The following THSD7B variants were observed in gnomAD, a reference collection of about 807,000 sequenced individuals.
The protein encoded by THSD7B is thrombospondin type-1 domain-containing protein 7B.
THSD7B carries 138 observed loss-of-function variants against 213.6 expected under a neutral mutation model. The ratio of observed to expected loss-of-function variants is 0.65; its 90% CI spans 0.56 to 0.74. THSD7B has a LOEUF of 0.74. Ranked by LOEUF, THSD7B falls within the 30% of genes least tolerant of loss-of-function variation. The probability of loss-of-function intolerance (pLI) is 0.00; values close to 1 mark genes in which losing one functional copy is unlikely to be tolerated. For missense variants in THSD7B, 1,931 were observed against 1,991.5 expected (o/e 0.97, Z 0.58); for synonymous variants, 742 against 687.0 (o/e 1.08, Z -1.25).
chr2:137,277,254 T>A (rs1558739694), intron 12 of THSD7B, among the ~76,000 whole-genome samples: 2 of 152,028 alleles, frequency 1.3e-5, no homozygotes, highest in Non-Finnish European at 2.9e-5. Context: ...TGTAAAATTA[T>A]CACATAAAAG....
At chr2:136,821,853 C>T (rs1263068417) in intron 1 of THSD7B, among the ~76,000 whole-genome samples, 1 of 152,188 alleles carries the variant, frequency 6.6e-6, no homozygotes, top group Non-Finnish European at 1.5e-5. Context: ...AACTGTGGAT[C>T]TCCTTGCTCT....
At chr2:137,480,417 C>G (rs550940456) in intron 15 of THSD7B, among the ~76,000 whole-genome samples, 3 of 152,266 alleles carry the variant, frequency 2.0e-5, no homozygotes, top group African/African-American at 7.2e-5. Flanking sequence ...TTGAAAAACT[C>G]ATTTTGATTT....
At chr2:136,998,260 C>CA (rs1685930157) in intron 2 of THSD7B, among the ~76,000 whole-genome samples, 2 of 57,288 alleles carry the variant, frequency 3.5e-5, no homozygotes, top group Non-Finnish European at 6.2e-5. Flanking sequence ...GACTAAAAGG[C>CA]CAAAAAAAAA....
At chr2:137,266,986 C>A (rs1038370026) in intron 10 of THSD7B, among the ~76,000 whole-genome samples, 1 of 152,200 alleles carries the variant, frequency 6.6e-6, no homozygotes, top group Admixed American at 6.5e-5. Flanking sequence ...TACCTACCTG[C>A]AAATCACCCA....
chr2:137,188,915 AG>A (rs2105012691), intron 7 of THSD7B, among the ~76,000 whole-genome samples: 1 of 152,340 alleles, frequency 6.6e-6, no homozygotes, highest in Non-Finnish European at 1.5e-5. Flanking sequence ...AGTTTTACAT[AG>A]AGTGGTCATT....
At chr2:136,768,177 C>A (rs1023159922) in intron 1 of THSD7B, among the ~76,000 whole-genome samples, 1 of 152,104 alleles carries the variant, frequency 6.6e-6, no homozygotes, top group African/African-American at 2.4e-5. Context: ...TATGAAGGAC[C>A]TTGTCTGCTT....
At position 137,553,269 on chromosome 2, in the gene THSD7B, A is replaced by T. The variant is rs568214120; in HGVS notation, c.3139-9952A>T. 3.4e-4 allele frequency among the ~76,000 whole-genome samples: 52 copies of T among 152,292 alleles called. 1 individual carries two copies. In the South Asian group the frequency reaches 0.011, roughly 31 times the overall value. ...TAGAGCAAGGTTTATTGCTACAGAAAGGCAGAAGCTGTAAATTTTCTATTT... is the reference window on the plus strand; with the variant it reads ...TAGAGCAAGGTTTATTGCTACAGAATGGCAGAAGCTGTAAATTTTCTATTT... On this transcript the variant is annotated intron_variant, in intron 15 of 27. Transcript: ENST00000409968.
At chr2:137,362,806 T>A (rs949649252) in intron 12 of THSD7B, among the ~76,000 whole-genome samples, 2 of 152,192 alleles carry the variant, frequency 1.3e-5, no homozygotes, top group South Asian at 4.1e-4. Context: ...AACACCCCAC[T>A]GTCAATAGTA....
At chr2:137,026,857 G>A (rs182237316) in intron 2 of THSD7B, among the ~76,000 whole-genome samples, 4 of 151,960 alleles carry the variant, frequency 2.6e-5, no homozygotes, top group Admixed American at 6.6e-5. Context: ...TTTTTATCTC[G>A]GCAGTTTCCT....
Position 136,930,754 on chromosome 2 carries a change from A to G in THSD7B, c.139+48437A>G, listed in dbSNP as rs556337754. Among the ~76,000 whole-genome samples the G allele has an allele frequency of 3.3e-5, 5 of 152,310 alleles. No homozygotes were observed. In the South Asian group the frequency reaches 6.2e-4, roughly 19 times the overall value. Reference sequence around the variant, plus strand: ...TGTCTGCTCAGAGAGAAAAAATACCACAGATATTTTAAAGAATCGGCCTGA... The same window carrying G: ...TGTCTGCTCAGAGAGAAAAAATACCGCAGATATTTTAAAGAATCGGCCTGA... On this transcript the variant is annotated intron_variant, in intron 2 of 27. Coordinates refer to ENST00000409968, the MANE Select transcript of THSD7B (RefSeq NM_001316349.2).
At chr2:137,596,777 C>A (rs893374414) in intron 17 of THSD7B, among the ~76,000 whole-genome samples, 5 of 151,176 alleles carry the variant, frequency 3.3e-5, no homozygotes, top group African/African-American at 1.2e-4. Context: ...ATTGTTAATA[C>A]CATGTGGCTA....
chr2:137,281,174 A>G (rs1405335976), intron 12 of THSD7B, among the ~76,000 whole-genome samples: 2 of 152,058 alleles, frequency 1.3e-5, no homozygotes, highest in African/African-American at 4.8e-5. Flanking sequence ...AACTCTGTCA[A>G]ATCTTTTTGT....
At chr2:137,358,274 G>T (rs1331613517) in intron 12 of THSD7B, among the ~76,000 whole-genome samples, 1 of 152,106 alleles carries the variant, frequency 6.6e-6, no homozygotes, top group Non-Finnish European at 1.5e-5. Context: ...GCTAGCCAAG[G>T]TTCTAATGAG....
At chr2:137,295,271 C>A (rs188849016) in intron 12 of THSD7B, among the ~76,000 whole-genome samples, 41 of 152,234 alleles carry the variant, frequency 2.7e-4, no homozygotes, top group African/African-American at 9.4e-4. Flanking sequence ...TTTAGTTTTC[C>A]ACTTTACCTA....
intron 15 of THSD7B, among the ~76,000 whole-genome samples, chr2:137,485,296 T>G (rs1688408057): frequency 6.7e-6 from 1 of 149,150 alleles, no homozygotes; most frequent in East Asian, 2.0e-4. Flanking sequence ...CCCCATTGCT[T>G]GTTTTTCTCA....
intron 5 of THSD7B, among the ~76,000 whole-genome samples, chr2:137,115,981 C>A (rs1352115144): frequency 6.6e-6 from 1 of 152,126 alleles, no homozygotes; most frequent in Non-Finnish European, 1.5e-5. Context: ...ATTGGAGAAC[C>A]CAAGCAGTAC....
chr2:137,555,108 C>T (rs992076557), intron 15 of THSD7B, among the ~76,000 whole-genome samples: 1 of 152,196 alleles, frequency 6.6e-6, no homozygotes, highest in Non-Finnish European at 1.5e-5. Flanking sequence ...GTAGACTCCA[C>T]CTCTAGGGGC....
chr2:137,049,742 C>G (rs1490004112), intron 2 of THSD7B, among the ~76,000 whole-genome samples: 2 of 152,158 alleles, frequency 1.3e-5, no homozygotes, highest in Non-Finnish European at 2.9e-5. Context: ...ACCCTGGGAG[C>G]AGCTATCTGC....
At chr2:136,784,576 A>T (rs541376138) in intron 1 of THSD7B, among the ~76,000 whole-genome samples, 2 of 134,330 alleles carry the variant, frequency 1.5e-5, no homozygotes, top group East Asian at 4.3e-4. Flanking sequence ...AAGGATTATA[A>T]AATAAAATGA....
Sources: allele counts gnomAD v4.1 joint callset (sites outside exome capture counted in the v4.1 genomes callset), GRCh38; gene constraint gnomAD v4.1.1; transcripts MANE v1.5; gene names NCBI Gene and HGNC (gene_info 2026-07-23, HGNC 2026-07-21).